The following ERBB2 variants were observed in gnomAD, a reference collection of about 807,000 sequenced individuals.
ERBB2 encodes the protein erb-b2 receptor tyrosine kinase 2.
Under a neutral mutation model 149.0 loss-of-function variants are expected in ERBB2, and 61 were observed. The ratio of observed to expected loss-of-function variants is 0.41; its 90% CI spans 0.33 to 0.51. ERBB2 has a LOEUF of 0.51. Ranked by LOEUF, ERBB2 falls within the 20% of genes least tolerant of loss-of-function variation. The pLI, the probability that ERBB2 is intolerant of heterozygous loss-of-function variation, is 0.25. For synonymous variants in ERBB2, 633 were observed against 678.8 expected, an observed-to-expected ratio of 0.93 and a Z score of 1.05; for missense variants, 1,205 against 1,655.1, an observed-to-expected ratio of 0.73 and a Z score of 4.72.
chr17:39,698,767 A>G (rs1188540320), upstream of ERBB2, among the ~76,000 whole-genome samples: 1 of 152,170 alleles, frequency 6.6e-6, no homozygotes, highest in Non-Finnish European at 1.5e-5. Flanking sequence ...GGTGTCCTTC[A>G]TTCTCCAGTC....
At chr17:39,713,872 A>G (rs1167389930) in intron 9 of ERBB2, among the ~76,000 whole-genome samples, 2 of 151,986 alleles carry the variant, frequency 1.3e-5, no homozygotes, top group Non-Finnish European at 2.9e-5. Flanking sequence ...CGTGGGCAAC[A>G]TAGTGAGATC....
upstream of ERBB2, among the ~76,000 whole-genome samples, chr17:39,695,376 C>T (rs1371665313): frequency 2.6e-5 from 4 of 152,088 alleles, no homozygotes; most frequent in African/African-American, 7.2e-5. Context: ...AGGGAGTGGC[C>T]TCCCCATGGT....
At chr17:39,690,890 A>C (rs899473073), upstream of ERBB2, among the ~76,000 whole-genome samples, 31 of 152,214 alleles carry the variant, frequency 2.0e-4, no homozygotes, top group African/African-American at 7.2e-4. Context: ...ACAGTGGCTC[A>C]TGCCTGTAAT....
chr17:39,695,143 A>C (rs948786929), upstream of ERBB2: 1 of 152,574 alleles, frequency 6.6e-6, no homozygotes, highest in Non-Finnish European at 1.5e-5. Context: ...GGCAGTGATG[A>C]GAGTGACATG....
intron 15 of ERBB2, 48 bp downstream of exon 15, chr17:39,717,528 G>T: frequency 1.3e-6 from 2 of 1,512,824 alleles, no homozygotes; most frequent in East Asian, 2.4e-5. Flanking sequence ...TCCTTTCAGG[G>T]GTCTTTCTGG....
chr17:39,705,881 C>T (rs2058399496), intron 1 of ERBB2, among the ~76,000 whole-genome samples: 1 of 152,172 alleles, frequency 6.6e-6, no homozygotes, highest in Non-Finnish European at 1.5e-5. Context: ...CTGGGCAGCT[C>T]AGGCACCTGT....
In ERBB2 at chr17:39,720,113, CT is replaced by C. The variant is rs1284842659; in HGVS notation, c.1946+281del. 3.9e-5 allele frequency: 18 copies of C among 461,372 alleles called. No individual in the cohort carries two copies. The Admixed American group carries it at 6.6e-4, about 17-fold the overall frequency. The allele number at this position is 461,372 out of a possible 1,614,324, so 28.6% of individuals were successfully genotyped here. On this transcript the variant is annotated intron_variant, in intron 16 of 26. Coordinates refer to ENST00000269571, the MANE Select transcript of ERBB2 (RefSeq NM_004448.4). ...GAGGGACACAGGCAAAGTTCAATTC[CT>C]TGGAAGTCAAGGGAGACTGAGAAGA... is the stretch of plus-strand genomic sequence containing the variant.
At chr17:39,719,968 G>A in intron 16 of ERBB2, 134 bp downstream of exon 16, 1 of 811,082 alleles carries the variant, frequency 1.2e-6, no homozygotes, top group Non-Finnish European at 2.1e-6. Context: ...GGAACCTCCT[G>A]TCATTTTCCA....
rs55943169 is a variant in ERBB2 at position 39,727,923 on chromosome 17, C to A, written c.3647C>A (p.Ala1216Asp). 11,716 of 1,614,188 alleles carry A rather than the reference C, an allele frequency of 7.3e-3. 65 individuals carry two copies. The highest frequency in any genetic ancestry group is 8.3e-3 in the Non-Finnish European group (9,843 of 1,180,018). ...QPHPPPAFSP[A>D]FDNLYYWDQD... ...CACCCTCCTCCTGCCTTCAGCCCAGCCTTCGACAACCTCTATTACTGGGAC... is the reference window on the plus strand; with the variant it reads ...CACCCTCCTCCTGCCTTCAGCCCAGACTTCGACAACCTCTATTACTGGGAC... The change falls in exon 27 of 27, where the codon GCC becomes GAC. Residue 1216 changes from alanine (A) to aspartate (D), a missense_variant. By Grantham distance (126) the Ala-to-Asp change is moderately radical. This residue lies in a region of ERBB2 where 312 missense variants were observed against 343.8 expected (regional missense o/e 0.91). Coordinates refer to ENST00000269571, the MANE Select transcript of ERBB2 (RefSeq NM_004448.4). The surrounding 1 kb of genome is among the most constrained non-coding windows in gnomAD (Gnocchi z 4.3).
At position 39,727,228 on chromosome 17, in the gene ERBB2, C is replaced by T. The variant is rs979945906; in HGVS notation, c.3160-67C>T. 3.4e-5 allele frequency: 54 copies of T among 1,572,536 alleles called. No homozygotes were observed. Among genetic ancestry groups the T allele is most frequent in the Non-Finnish European group, 3.2e-5 (37 of 1,156,208 alleles). ...CTGTTTTTCTCCTGTGACCCTGTCA[C>T]CTTCCATGGAGTCCCCATCCCAGAT... is the stretch of plus-strand genomic sequence containing the variant. On this transcript the variant is annotated intron_variant, in intron 25 of 26. Coordinates refer to ENST00000269571, the MANE Select transcript of ERBB2 (RefSeq NM_004448.4). The surrounding 1 kb of genome is among the most constrained non-coding windows in gnomAD (Gnocchi z 4.3).
Position 39,726,358 on chromosome 17 carries a change from GA to G in ERBB2, c.2873-194del, listed in dbSNP as rs199536246. 1.4e-3 allele frequency: 739 copies of G among 538,044 alleles called. 5 individuals are homozygous for G. The East Asian group carries it at 0.014, about 10-fold the overall frequency. 33.3% of individuals were successfully genotyped at this position (538,044 alleles called of 1,614,324 possible). ...AAAAAAATAAAAAAGCAAACAAAAA[GA>G]AAAAAAAAATTAAAAGGGAAACTAG... is the stretch of plus-strand genomic sequence containing the variant. On this transcript the variant is annotated intron_variant, in intron 23 of 26. Transcript: ENST00000269571. This position sits in a 1 kb window ranked among gnomAD's most constrained non-coding sequence, Gnocchi z 5.1.
At chr17:39,710,725 G>A (rs1044697522) in intron 7 of ERBB2, among the ~76,000 whole-genome samples, 2 of 152,206 alleles carry the variant, frequency 1.3e-5, no homozygotes, top group East Asian at 3.8e-4. Flanking sequence ...TAGTAGGCAC[G>A]TGACCCTCTT....
chr17:39,707,336 G>T, intron 2 of ERBB2, 195 bp downstream of exon 2: 1 of 483,148 alleles, frequency 2.1e-6, no homozygotes, highest in African/African-American at 2.0e-5. Context: ...CTATAACGTG[G>T]CTGGCCGAGG....
At chr17:39,698,734 G>GA (rs1039657284), upstream of ERBB2, among the ~76,000 whole-genome samples, 10 of 152,142 alleles carry the variant, frequency 6.6e-5, no homozygotes, top group Admixed American at 6.5e-4. Context: ...AGATGGGGGG[G>GA]AGGGAAGAGA....
Position 39,716,389 on chromosome 17 carries a change from C to G in ERBB2, c.1602C>G (p.Phe534Leu), listed in dbSNP as rs1299820476. ...CCCAGTGTGTCAACTGCAGCCAGTT[C>G]CTTCGGGGCCAGGAGTGCGTGGAGG... ...GPTQCVNCSQ[F>L]LRGQECVEEC... Residue 534 changes from phenylalanine (F) to leucine (L), a missense_variant, in exon 13 of 27, where the codon TTC (phenylalanine) becomes TTG (leucine). Physicochemically the swap from Phe to Leu is conservative, Grantham distance 22. Around this residue, in one of 6 missense-constraint regions of ERBB2, gnomAD observed 569 missense variants for 803.5 expected, o/e 0.71. Coordinates refer to ENST00000269571, the MANE Select transcript of ERBB2 (RefSeq NM_004448.4). 1 of 1,608,640 alleles carries G rather than the reference C, an allele frequency of 6.2e-7. No homozygotes were observed. Among genetic ancestry groups the G allele is most frequent in the Non-Finnish European group, 8.5e-7 (1 of 1,176,226 alleles).
chr17:39,717,034 C>T (rs1237870375), intron 14 of ERBB2: 1 of 459,232 alleles, frequency 2.2e-6, no homozygotes, highest in African/African-American at 1.9e-5. Flanking sequence ...TTCTACAGAG[C>T]AGTGACTGTT....
At chr17:39,724,495 T>A (rs570155973) in intron 19 of ERBB2, among the ~76,000 whole-genome samples, 2 of 152,014 alleles carry the variant, frequency 1.3e-5, no homozygotes, top group African/African-American at 4.8e-5. Flanking sequence ...CCTGACCTCA[T>A]GATCCGCCCG....
Position 39,709,415 on chromosome 17 carries a change from G to A in ERBB2, c.537G>A (p.Leu179=), listed in dbSNP as rs146844678. 9 of 1,613,950 alleles carry A rather than the reference G, an allele frequency of 5.6e-6. No individual in the cohort carries two copies. The African/African-American group carries it at 1.1e-4, about 19-fold the overall frequency. ...ACATCTTCCACAAGAACAACCAGCT[G>A]GCTCTCACACTGATAGACACCAACC... ...WKDIFHKNNQ[L]ALTLIDTNRS... Residue 179 remains leucine, a synonymous_variant, in exon 4 of 27, where the codon CTG becomes CTA. Coordinates refer to ENST00000269571, the MANE Select transcript of ERBB2 (RefSeq NM_004448.4).
chr17:39,709,048 G>A (rs2145459940), intron 3 of ERBB2, among the ~76,000 whole-genome samples: 1 of 152,292 alleles, frequency 6.6e-6, no homozygotes, highest in South Asian at 2.1e-4. Flanking sequence ...CATGCCCAGA[G>A]TAGAGGTGAG....
Sources: gnomAD v4.1 joint callset for allele counts (sites outside exome capture counted in the v4.1 genomes callset) on GRCh38, gnomAD v4.1.1 for gene constraint, gnomAD v4.1.1 regional missense constraint, Gnocchi (gnomAD v3.1) non-coding constraint, MANE v1.5 for transcripts, NCBI Gene and HGNC (gene_info 2026-07-23, HGNC 2026-07-21) for gene names.